The following NPHP1 variants were observed in gnomAD, a reference collection of about 807,000 sequenced individuals.
NPHP1 encodes the protein nephrocystin 1.
In NPHP1, 70 loss-of-function variants were observed where a neutral mutation model predicts 90.4. That is an observed-to-expected ratio of 0.77 (90% CI 0.64 to 0.95). The LOEUF (loss-of-function observed/expected upper bound fraction) is 0.95. Among genes scored for constraint, NPHP1 ranks in the 40% least tolerant of loss-of-function variants. NPHP1 has a pLI of 0.00. For synonymous variants in NPHP1, 256 were observed against 271.7 expected, an observed-to-expected ratio of 0.94 and a Z score of 0.57; for missense variants, 764 against 795.9, an observed-to-expected ratio of 0.96 and a Z score of 0.48.
chr2:110,177,515 A>G (rs1683584481), intron 4 of NPHP1, among the ~76,000 whole-genome samples: 1 of 152,158 alleles, frequency 6.6e-6, no homozygotes, highest in African/African-American at 2.4e-5. Context: ...CTCCAAGGAA[A>G]TGCTCATTGG....
intron 2 of NPHP1, chr2:110,185,284 A>G (rs1684209187): frequency 2.3e-6 from 1 of 442,760 alleles, no homozygotes; most frequent in Non-Finnish European, 4.5e-6. Context: ...GTGTGAGTGC[A>G]TGTGTGTATA....
intron 18 of NPHP1, 27 bp downstream of exon 18, chr2:110,129,159 G>T (rs750476470): frequency 4.5e-5 from 71 of 1,575,080 alleles, no homozygotes; most frequent in Non-Finnish European, 6.1e-5. Context: ...AAGCCAGCAG[G>T]TTTCCATTGC....
Position 110,202,454 on chromosome 2 carries a change from G to A in NPHP1, c.70-960C>T, listed in dbSNP as rs143365854. ...CCTACAGACACCGAATAGAAAATCT[G>A]TTCCATATTCAGCTTCAGGTGTCCT... On this transcript the variant is annotated intron_variant, in intron 1 of 19. Coordinates refer to ENST00000445609, the MANE Select transcript of NPHP1 (RefSeq NM_001128178.3). 2.8e-3 allele frequency: 1,265 copies of A among 455,640 alleles called. 18 individuals are homozygous for A. The highest frequency in any genetic ancestry group is 0.017 in the African/African-American group (865 of 50,168). The allele number at this position is 455,640 out of a possible 1,614,324, so 28.2% of individuals were successfully genotyped here. A position where few individuals can be genotyped will look rare whatever the true frequency, so the allele number is the denominator to read the frequency against.
chr2:110,136,677 T>C (rs896984840), intron 16 of NPHP1, among the ~76,000 whole-genome samples: 1 of 152,012 alleles, frequency 6.6e-6, no homozygotes, highest in Non-Finnish European at 1.5e-5. Context: ...TAAAAGAGGA[T>C]ACAAACAAAT....
intron 2 of NPHP1, among the ~76,000 whole-genome samples, chr2:110,195,288 C>T (rs539431921): frequency 6.6e-6 from 1 of 152,264 alleles, no homozygotes; most frequent in South Asian, 2.1e-4. Flanking sequence ...TCTCCTTAAG[C>T]TGATAGGCAA....
chr2:110,170,684 G>A (rs1683063929), intron 4 of NPHP1, among the ~76,000 whole-genome samples: 1 of 152,136 alleles, frequency 6.6e-6, no homozygotes, highest in Non-Finnish European at 1.5e-5. Context: ...AGGTACTAGA[G>A]TAGAGGTATA....
intron 4 of NPHP1, among the ~76,000 whole-genome samples, chr2:110,171,125 C>G (rs1683101354): frequency 6.6e-6 from 1 of 152,060 alleles, no homozygotes; most frequent in Non-Finnish European, 1.5e-5. Context: ...ACTAAGAAAA[C>G]AGCATAGGGA....
chr2:110,204,185 T>G (rs1685760921), intron 1 of NPHP1, among the ~76,000 whole-genome samples: 1 of 152,186 alleles, frequency 6.6e-6, no homozygotes, highest in South Asian at 2.1e-4. Context: ...TCAAGCTGCT[T>G]TCCTGAAATG....
intron 16 of NPHP1, among the ~76,000 whole-genome samples, chr2:110,140,277 C>CG (rs1450761079): frequency 6.6e-6 from 1 of 152,068 alleles, no homozygotes; most frequent in Non-Finnish European, 1.5e-5. Context: ...GGAAGCTGAG[C>CG]GGAAGTCCTG....
In NPHP1 at chr2:110,142,029, ATAAAGT is replaced by A. The variant is rs1486109444; in HGVS notation, c.1529+1507_1529+1512del. On this transcript the variant is annotated intron_variant, in intron 16 of 19. Coordinates refer to ENST00000445609, the MANE Select transcript of NPHP1 (RefSeq NM_001128178.3). The stretch of plus-strand genomic sequence containing the variant: ...AATGAAAACAGTTTGGCAGTTTCTT[ATAAAGT>A]TAAACTCCATATGTCCCAGTAATCT... Among the ~76,000 whole-genome samples the A allele has an allele frequency of 2.0e-5, 3 of 151,990 alleles. No homozygotes were observed. The East Asian group carries it at 5.8e-4, about 29-fold the overall frequency.
chr2:110,133,864 GA>G (rs1265835055), intron 16 of NPHP1, among the ~76,000 whole-genome samples: 1 of 151,898 alleles, frequency 6.6e-6, no homozygotes, highest in East Asian at 1.9e-4. Flanking sequence ...AAATTTACAA[GA>G]TACAGTGAAA....
chr2:110,157,853 C>G (rs147257974), intron 11 of NPHP1, among the ~76,000 whole-genome samples: 1 of 152,088 alleles, frequency 6.6e-6, no homozygotes, highest in African/African-American at 2.4e-5. Flanking sequence ...TCACATTGAC[C>G]GTTATCAGCT....
chr2:110,202,240 T>C, intron 1 of NPHP1: 1 of 265,112 alleles, frequency 3.8e-6, no homozygotes, highest in Non-Finnish European at 7.9e-6. Context: ...AAAAGGCACA[T>C]ACTTCTTTGG....
At position 110,160,187 on chromosome 2, in the gene NPHP1, T is replaced by C. The variant is rs1185270162; in HGVS notation, c.1023A>G (p.Pro341=). Residue 341 remains proline, a synonymous_variant, in exon 11 of 20, where the codon CCA becomes CCG. Transcript: ENST00000445609. ...TGCTGAGAACCTGTATGCTCATTCC[T>C]GGAAGAGGAATCATTTTACAGCTCC... is the stretch of plus-strand genomic sequence containing the variant. The part of the protein sequence containing the change: ...TLWSCKMIPL[P]GMSIQVLSRH... 6.2e-7 allele frequency: 1 copy of C among 1,612,622 alleles called. No individual in the cohort carries two copies. Among genetic ancestry groups the C allele is most frequent in the Non-Finnish European group, 8.5e-7 (1 of 1,178,768 alleles).
intron 11 of NPHP1, among the ~76,000 whole-genome samples, chr2:110,152,938 A>C (rs1214307386): frequency 2.0e-5 from 3 of 152,128 alleles, no homozygotes; most frequent in African/African-American, 7.2e-5. Context: ...AATTTGACAA[A>C]AGACATAAAC....
intron 2 of NPHP1, among the ~76,000 whole-genome samples, chr2:110,193,991 G>A (rs1320315667): frequency 6.6e-6 from 1 of 151,984 alleles, no homozygotes; most frequent in Non-Finnish European, 1.5e-5. Flanking sequence ...CAGAATCTCT[G>A]GGACACATTT....
At chr2:110,155,468 C>T (rs565404467) in intron 11 of NPHP1, among the ~76,000 whole-genome samples, 4 of 152,252 alleles carry the variant, frequency 2.6e-5, no homozygotes, top group Admixed American at 1.3e-4. Context: ...CAGCTTGCAC[C>T]GTGCTGCTGG....
chr2:110,127,838 C>T (rs1679476403), intron 18 of NPHP1: 1 of 152,160 alleles, frequency 6.6e-6, no homozygotes, highest in Non-Finnish European at 1.5e-5. Context: ...ATTCCTGTTA[C>T]ACACCTAGGG....
At chr2:110,197,320 A>G (rs968741623) in intron 2 of NPHP1, among the ~76,000 whole-genome samples, 2 of 152,080 alleles carry the variant, frequency 1.3e-5, no homozygotes, top group Admixed American at 6.5e-5. Context: ...TAAATAAAAA[A>G]CGTTTTAAAG....
Sources: gnomAD v4.1 joint callset for allele counts (sites outside exome capture counted in the v4.1 genomes callset) on GRCh38, gnomAD v4.1.1 for gene constraint, MANE v1.5 for transcripts, NCBI Gene and HGNC (gene_info 2026-07-23, HGNC 2026-07-21) for gene names.